POLR3B: variants seen among roughly 807,000 people sequenced by gnomAD.
POLR3B encodes DNA-directed RNA polymerase III subunit RPC2.
POLR3B carries 96 observed loss-of-function variants against 147.4 expected under a neutral mutation model. That is an observed-to-expected ratio of 0.65 (90% CI 0.55 to 0.77). POLR3B has a LOEUF of 0.77. POLR3B is among the 30% of genes least tolerant of loss of function. The probability of loss-of-function intolerance (pLI) is 0.00; values close to 1 mark genes in which losing one functional copy is unlikely to be tolerated. For synonymous variants in POLR3B, 461 were observed against 485.9 expected (o/e 0.95, Z 0.67); for missense variants, 1,036 against 1,413.5 (o/e 0.73, Z 4.28).
intron 14 of POLR3B, 97 bp from the exon 15 acceptor site, chr12:106,432,221 C>T: frequency 9.0e-7 from 1 of 1,112,888 alleles, no homozygotes; most frequent in Non-Finnish European, 1.4e-6. Context: ...TACTGCTTTG[C>T]ATTGCTGCCA....
At chr12:106,495,906 A>G (rs1238331543) in intron 23 of POLR3B, 149 bp from the exon 24 acceptor site, 2 of 738,174 alleles carry the variant, frequency 2.7e-6, no homozygotes, top group Non-Finnish European at 5.0e-6. Context: ...AGGATTGTTG[A>G]AAATCACTTT....
At chr12:106,497,362 A>C (rs2038511006) in intron 25 of POLR3B, among the ~76,000 whole-genome samples, 1 of 152,034 alleles carries the variant, frequency 6.6e-6, no homozygotes, top group African/African-American at 2.4e-5. Flanking sequence ...TGCTGTTTGT[A>C]CTGGTAAGAT....
At chr12:106,503,961 A>G (rs1565918606) in intron 26 of POLR3B, 120 bp from the exon 27 acceptor site, 1 of 891,914 alleles carries the variant, frequency 1.1e-6, no homozygotes, top group East Asian at 2.4e-5. Context: ...CTGTCCAGTT[A>G]TTGATTTGGA....
chr12:106,503,063 A>G (rs1033698191), intron 26 of POLR3B, among the ~76,000 whole-genome samples: 1 of 152,158 alleles, frequency 6.6e-6, no homozygotes, highest in Non-Finnish European at 1.5e-5. Context: ...TACCTCGTTC[A>G]CTGACCTCAA....
intron 12 of POLR3B, among the ~76,000 whole-genome samples, 183 bp from the exon 13 acceptor site, chr12:106,427,014 G>A (rs1323921368): frequency 2.6e-5 from 4 of 151,940 alleles, no homozygotes; most frequent in Admixed American, 1.3e-4. Flanking sequence ...TGCCTAGCAC[G>A]GTGTTAAGCA....
At chr12:106,468,361 C>G (rs1426953887) in intron 23 of POLR3B, among the ~76,000 whole-genome samples, 1 of 151,976 alleles carries the variant, frequency 6.6e-6, no homozygotes, top group African/African-American at 2.4e-5. Flanking sequence ...ATTAGTCTTC[C>G]TAGTGGTCTA....
intron 23 of POLR3B, among the ~76,000 whole-genome samples, chr12:106,485,236 T>C (rs1291893994): frequency 1.8e-4 from 28 of 152,178 alleles, no homozygotes; most frequent in Admixed American, 1.8e-3. Context: ...AAACCAGTCC[T>C]GAGATAAGTA....
chr12:106,423,187 C>A (rs1002623824), intron 12 of POLR3B, among the ~76,000 whole-genome samples: 1 of 151,984 alleles, frequency 6.6e-6, no homozygotes, highest in Non-Finnish European at 1.5e-5. Context: ...TCCTCTGTAC[C>A]CTTCTCAACT....
chr12:106,367,930 A>G (rs1389636903), intron 4 of POLR3B, among the ~76,000 whole-genome samples: 1 of 152,052 alleles, frequency 6.6e-6, no homozygotes, highest in Non-Finnish European at 1.5e-5. Context: ...CTTTATTTCT[A>G]TCATTCCTTC....
At chr12:106,386,042 T>TAAAGAAA in intron 9 of POLR3B, among the ~76,000 whole-genome samples, 1 of 152,298 alleles carries the variant, frequency 6.6e-6, no homozygotes, top group African/African-American at 2.4e-5. Context: ...TACTGATGAA[T>TAAAGAAA]AAAGAAAATT....
At chr12:106,412,086 T>G (rs1565888510) in intron 12 of POLR3B, among the ~76,000 whole-genome samples, 1 of 152,224 alleles carries the variant, frequency 6.6e-6, no homozygotes, top group Non-Finnish European at 1.5e-5. Flanking sequence ...GCTTTTCTCT[T>G]GAATGTGGCT....
At chr12:106,485,510 G>T (rs1454430934) in intron 23 of POLR3B, among the ~76,000 whole-genome samples, 1 of 152,200 alleles carries the variant, frequency 6.6e-6, no homozygotes, top group Non-Finnish European at 1.5e-5. Flanking sequence ...GCAAGAAAGG[G>T]TGGTGGCTTG....
chr12:106,496,282 C>G (rs2038484311), intron 24 of POLR3B, 124 bp downstream of exon 24: 1 of 732,214 alleles, frequency 1.4e-6, no homozygotes, highest in African/African-American at 1.7e-5. Context: ...GCTCTTCTGC[C>G]CCTTGCCAGA....
At chr12:106,399,879 C>T (rs1406692522) in intron 10 of POLR3B, among the ~76,000 whole-genome samples, 1 of 152,208 alleles carries the variant, frequency 6.6e-6, no homozygotes, top group African/African-American at 2.4e-5. Context: ...ACTACAAAAA[C>T]ATGCCAAATT....
intron 10 of POLR3B, among the ~76,000 whole-genome samples, chr12:106,405,165 A>G (rs1268234398): frequency 1.3e-5 from 2 of 152,096 alleles, no homozygotes; most frequent in Non-Finnish European, 2.9e-5. Context: ...TAATACTCCA[A>G]CTTTTTTCTT....
chr12:106,391,785 T>TA (rs753900976), intron 9 of POLR3B, among the ~76,000 whole-genome samples: 9 of 152,242 alleles, frequency 5.9e-5, no homozygotes, highest in Non-Finnish European at 1.2e-4. Context: ...GTACTGAGGA[T>TA]AATGTCCTTG....
In POLR3B at chr12:106,400,470, T is replaced by C. The variant is rs564712512; in HGVS notation, c.847-5387T>C. Among the ~76,000 whole-genome samples the C allele has an allele frequency of 3.0e-3, 452 of 152,270 alleles. 1 individual carries two copies. The highest frequency in any genetic ancestry group is 9.3e-3 in the African/African-American group (388 of 41,544). The stretch of plus-strand genomic sequence containing the variant: ...GAATTGAACTCGACTCTGCACCAAG[T>C]GGACCTAATAGACATCTACAGAACT... On this transcript the variant is annotated intron_variant, in intron 10 of 27. Transcript: ENST00000228347.
chr12:106,463,349 A>G (rs762861058), intron 22 of POLR3B, 129 bp from the exon 23 acceptor site: 2 of 806,578 alleles, frequency 2.5e-6, no homozygotes, highest in Non-Finnish European at 4.0e-6. Context: ...AATTGAAGTC[A>G]TTTTTCAGAG....
rs781472472 is a variant in POLR3B, at chr12:106,417,992, CA to C, written c.1101+7037del. Among the ~76,000 whole-genome samples, 5 of 152,172 alleles carry C rather than the reference CA, an allele frequency of 3.3e-5. No homozygotes were observed. In the East Asian group the frequency reaches 7.7e-4, roughly 24 times the overall value. On this transcript the variant is annotated intron_variant, in intron 12 of 27. Coordinates refer to ENST00000228347, the MANE Select transcript of POLR3B (RefSeq NM_018082.6). ...AAAGACATAAAAGGTATTGTGTTAG[CA>C]AAAATGTGTAAAAACAATAGCTGCT...
Sources: gnomAD v4.1 joint callset for allele counts (sites outside exome capture counted in the v4.1 genomes callset) on GRCh38, gnomAD v4.1.1 for gene constraint, MANE v1.5 for transcripts, NCBI Gene and HGNC (gene_info 2026-07-23, HGNC 2026-07-21) for gene names.